Variants in SVEP1 observed in about 807,000 individuals in gnomAD.
SVEP1 encodes sushi, von Willebrand factor type A, EGF and pentraxin domain-containing protein 1.
In SVEP1, 164 loss-of-function variants were observed where a neutral mutation model predicts 367.3. The observed-to-expected ratio is 0.45, with a 90% CI of 0.39 to 0.51. The LOEUF (loss-of-function observed/expected upper bound fraction) is 0.51. Ranked by LOEUF, SVEP1 falls within the 20% of genes least tolerant of loss-of-function variation. SVEP1 has a pLI of 0.00. For synonymous variants in SVEP1, 1,666 were observed against 1,611.6 expected, an observed-to-expected ratio of 1.03 and a Z score of -0.81; for missense variants, 4,117 against 4,425.3, an observed-to-expected ratio of 0.93 and a Z score of 1.98.
At chr9:110,423,155 TAAAA>T (rs1181321402) in intron 36 of SVEP1, among the ~76,000 whole-genome samples, 2 of 56,520 alleles carry the variant, frequency 3.5e-5, no homozygotes, top group South Asian at 9.1e-4. Context: ...AATAAAAAAA[TAAAA>T]AAATAAAGTA....
chr9:110,426,091 G>C (rs1195194833), intron 36 of SVEP1, among the ~76,000 whole-genome samples: 1 of 152,186 alleles, frequency 6.6e-6, no homozygotes, highest in Non-Finnish European at 1.5e-5. Flanking sequence ...TCTTATGTGA[G>C]TGAGTCCACA....
intron 23 of SVEP1, 98 bp from the exon 24 acceptor site, chr9:110,450,358 G>A (rs1277309767): frequency 8.0e-7 from 1 of 1,242,268 alleles, no homozygotes; most frequent in Non-Finnish European, 1.1e-6. Flanking sequence ...GCTTCTAGAG[G>A]ATTGGAATGG....
rs566340951 is a variant in SVEP1, at chr9:110,466,935, T to C, written c.3161-909A>G. The stretch of plus-strand genomic sequence containing the variant: ...TGCTATAATTCATAAGGATGATTTG[T>C]AGAAGAACAGGACTTTGGCCAGATG... On this transcript the variant is annotated intron_variant, in intron 17 of 47. Transcript: ENST00000374469. Among the ~76,000 whole-genome samples the C allele has an allele frequency of 9.2e-5, 14 of 152,190 alleles. No individual in the cohort carries two copies. The East Asian group carries it at 2.7e-3, about 29-fold the overall frequency.
chr9:110,435,333 T>A lies in SVEP1; in HGVS notation c.4796A>T (p.Glu1599Val). The A allele has an allele frequency of 6.2e-7, 1 of 1,613,582 alleles. No homozygotes were observed. The highest frequency in any genetic ancestry group is 8.5e-7 in the Non-Finnish European group (1 of 1,179,570). ...TGCTAACACGTTTCCTTTACTGAGT[T>A]CCTCTGGGCAGGAGGTAGCCAGTGA... ...VKSLATSCPE[E>V]LSKGNVLAWP... Residue 1599 changes from glutamate (E) to valine (V), a missense_variant, in exon 29 of 48, where the codon GAA becomes GTA. By Grantham distance (121) the Glu-to-Val change is moderately radical. Around this residue, in one of 4 missense-constraint regions of SVEP1, gnomAD observed 2,174 missense variants for 2,494.3 expected, o/e 0.87. Transcript: ENST00000374469.
chr9:110,387,364 T>G lies in SVEP1; in HGVS notation c.9981A>C (p.Arg3327Ser). Residue 3327 changes from arginine (R) to serine (S), a missense_variant, in exon 42 of 48, where the codon AGA becomes AGC. Arg to Ser is a moderately radical substitution (Grantham distance 110). Transcript: ENST00000374469. ...CAGATGGCCCTTCAAGACTGTAGCC[T>G]CTGTTGCAGGAATATACCACGTTGG... is the stretch of plus-strand genomic sequence containing the variant. Reference protein sequence around the residue: ...TGPNVVYSCNRGYSLEGPSEA... With the variant: ...TGPNVVYSCNSGYSLEGPSEA... 6.2e-7 allele frequency: 1 copy of G among 1,613,742 alleles called. No individual in the cohort carries two copies. Among genetic ancestry groups the G allele is most frequent in the South Asian group, 1.1e-5 (1 of 91,046 alleles).
In SVEP1 at chr9:110,510,436, A is replaced by C. The variant is rs569735817; in HGVS notation, c.1303+2490T>G. 1.4e-3 allele frequency among the ~76,000 whole-genome samples: 213 copies of C among 152,338 alleles called. 1 individual carries two copies. Among genetic ancestry groups the C allele is most frequent in the African/African-American group, 4.9e-3 (204 of 41,576 alleles). On this transcript the variant is annotated intron_variant, in intron 5 of 47. Transcript: ENST00000374469. ...GACCCTGACACATAGCATAAGAAAC[A>C]TAATGAGGGGTGGGGGCAGGTCTGC...
intron 40 of SVEP1, 123 bp from the exon 41 acceptor site, chr9:110,389,710 G>T: frequency 9.9e-7 from 1 of 1,010,154 alleles, no homozygotes; most frequent in Non-Finnish European, 1.4e-6. Context: ...AAATAAACAT[G>T]TTAAAAACAT....
At chr9:110,513,140 T>C (rs372379620) in intron 4 of SVEP1, 35 bp from the exon 5 acceptor site, 2 of 1,577,560 alleles carry the variant, frequency 1.3e-6, no homozygotes, top group Non-Finnish European at 1.7e-6. Context: ...AAAAGCAAAG[T>C]TAGCCTTTTG....
At chr9:110,569,067 T>C (rs1830524409) in intron 1 of SVEP1, among the ~76,000 whole-genome samples, 1 of 152,094 alleles carries the variant, frequency 6.6e-6, no homozygotes, top group African/African-American at 2.4e-5. Flanking sequence ...CATTCCAGCC[T>C]GGGAGACAGA....
Position 110,378,132 on chromosome 9 carries a change from T to C in SVEP1, c.10409-766A>G, listed in dbSNP as rs200417186. 1.8e-4 allele frequency among the ~76,000 whole-genome samples: 27 copies of C among 152,346 alleles called. No individual in the cohort carries two copies. The East Asian group carries it at 4.8e-3, about 27-fold the overall frequency. On this transcript the variant is annotated intron_variant, in intron 44 of 47. Transcript: ENST00000374469. Reference sequence around the variant, plus strand: ...ATCTAATCTATCTTCTTAATCATCATCATCATCATCTATCAACATACATTT... The same window carrying C: ...ATCTAATCTATCTTCTTAATCATCACCATCATCATCTATCAACATACATTT...
chr9:110,539,533 T>C (rs2118831514), intron 3 of SVEP1, among the ~76,000 whole-genome samples: 1 of 152,084 alleles, frequency 6.6e-6, no homozygotes, highest in South Asian at 2.1e-4. Context: ...GATGCTACTT[T>C]GTAAGTTTAA....
intron 39 of SVEP1, 97 bp downstream of exon 39, chr9:110,404,230 C>CAT (rs1554712365): frequency 1.6e-5 from 19 of 1,213,858 alleles, no homozygotes; most frequent in Non-Finnish European, 2.1e-5. Context: ...AAACTTCAGA[C>CAT]TTTTTTTTCT....
Position 110,439,601 on chromosome 9 carries a change from T to G in SVEP1, c.4640-3097A>C, listed in dbSNP as rs1357887327. ...TTTTAGTAGAGACGGGGTTTCACCA[T>G]GTTGGCCAAGCTGGTCTTGAACTCC... On this transcript the variant is annotated intron_variant, in intron 27 of 47. Transcript: ENST00000374469. Among the ~76,000 whole-genome samples, 3 of 151,982 alleles carry G rather than the reference T, an allele frequency of 2.0e-5. No individual in the cohort carries two copies. In the South Asian group the frequency reaches 6.2e-4, roughly 32 times the overall value.
Position 110,404,355 on chromosome 9 carries a change from A to G in SVEP1, c.9638T>C (p.Phe3213Ser). The change falls in exon 39 of 48, where the codon TTT becomes TCT. Residue 3213 changes from phenylalanine (F) to serine (S), a missense_variant. Transcript: ENST00000374469. ...VSVSCAEGYT[F>S]EGVNISVCQL... ...ACATACTGATATGTTAACTCCCTCA[A>G]AGGTATACCCTTCTGCACATGACAC... The G allele has an allele frequency of 4.3e-6, 7 of 1,613,970 alleles. No homozygotes were observed. The highest frequency in any genetic ancestry group is 5.9e-6 in the Non-Finnish European group (7 of 1,179,878).
intron 47 of SVEP1, among the ~76,000 whole-genome samples, chr9:110,367,501 G>C (rs901491863): frequency 6.6e-6 from 1 of 152,154 alleles, no homozygotes; most frequent in Non-Finnish European, 1.5e-5. Context: ...AGTCTCGTAG[G>C]AGAGAAGGAA....
chr9:110,479,219 G>A (rs748593446), intron 13 of SVEP1, among the ~76,000 whole-genome samples: 2 of 151,682 alleles, frequency 1.3e-5, no homozygotes, highest in Non-Finnish European at 2.9e-5. Flanking sequence ...CGCCTGGTCT[G>A]TTTTTTTTAT....
intron 42 of SVEP1, among the ~76,000 whole-genome samples, chr9:110,386,874 C>G (rs1827532131): frequency 1.3e-5 from 2 of 152,228 alleles, no homozygotes; most frequent in South Asian, 2.1e-4. Flanking sequence ...ATGGCTATAA[C>G]TCATTATCTT....
chr9:110,538,886 A>T (rs931330143), intron 3 of SVEP1, among the ~76,000 whole-genome samples: 7 of 152,132 alleles, frequency 4.6e-5, no homozygotes, highest in African/African-American at 1.7e-4. Flanking sequence ...TGATCTATCC[A>T]TCTTAAAATG....
Position 110,496,739 on chromosome 9 carries a change from T to C in SVEP1, c.1800+76A>G, listed in dbSNP as rs573599105. The C allele has an allele frequency of 1.1e-5, 11 of 1,040,634 alleles. No homozygotes were observed. In the African/African-American group the frequency reaches 1.6e-4, roughly 15 times the overall value. 64.5% of individuals were successfully genotyped at this position (1,040,634 alleles called of 1,614,324 possible). A position where few individuals can be genotyped will look rare whatever the true frequency, so the allele number is the denominator to read the frequency against. ...ACAAGTATTACCATGAGCATATTAG[T>C]AAGTCTTCAACACACATATCTGCAG... On this transcript the variant is annotated intron_variant, in intron 8 of 47. Transcript: ENST00000374469.
Sources: gnomAD v4.1 joint callset for allele counts (sites outside exome capture counted in the v4.1 genomes callset) on GRCh38, gnomAD v4.1.1 for gene constraint, gnomAD v4.1.1 regional missense constraint, MANE v1.5 for transcripts, NCBI Gene and HGNC (gene_info 2026-07-23, HGNC 2026-07-21) for gene names.